The following AAR2 variants were observed in gnomAD, a reference collection of about 807,000 sequenced individuals.
AAR2 encodes the protein protein AAR2 homolog.
AAR2 carries 31 observed loss-of-function variants against 26.9 expected under a neutral mutation model. The observed-to-expected ratio is 1.15, with a 90% confidence interval of 0.86 to 1.55. The LOEUF is 1.55. AAR2 is among the 40% of genes most tolerant of loss of function. The pLI, the probability that AAR2 is intolerant of heterozygous loss-of-function variation, is 0.00. For synonymous variants in AAR2, 188 were observed against 196.1 expected, an observed-to-expected ratio of 0.96 and a Z score of 0.34; for missense variants, 430 against 491.3, an observed-to-expected ratio of 0.88 and a Z score of 1.18.
chr20:36,239,978 A>G lies in AAR2; in HGVS notation c.110A>G (p.Asn37Ser). The G allele has an allele frequency of 6.2e-7, 1 of 1,614,008 alleles. No homozygotes were observed. Among genetic ancestry groups the G allele is most frequent in the Non-Finnish European group, 8.5e-7 (1 of 1,179,992 alleles). The change falls in exon 2 of 4, where the codon AAC (asparagine) becomes AGC (serine). Residue 37 changes from asparagine to serine, a missense_variant. Physicochemically the swap from Asn to Ser is conservative, Grantham distance 46 (BLOSUM62 1). Transcript: ENST00000320849. The part of the protein sequence containing the change: ...PKGTEFGIDY[N>S]SWEVGPKFRG... ...GGAACAGAGTTTGGGATTGACTATAACTCCTGGGAGGTCGGGCCCAAGTTC... is the reference window on the plus strand; with the variant it reads ...GGAACAGAGTTTGGGATTGACTATAGCTCCTGGGAGGTCGGGCCCAAGTTC...
intron 1 of AAR2, among the ~76,000 whole-genome samples, chr20:36,239,571 A>G (rs1330222816): frequency 6.6e-6 from 1 of 152,152 alleles, no homozygotes; most frequent in South Asian, 2.1e-4. Context: ...GACCATGAGC[A>G]TGTCACTTTT....
At position 36,255,658 on chromosome 20, in the gene AAR2, C is replaced by T. The variant is rs370575646; in HGVS notation, c.1068C>T (p.Thr356=). The T allele has an allele frequency of 5.1e-5, 83 of 1,614,068 alleles. No homozygotes were observed. The highest frequency in any genetic ancestry group is 6.9e-5 in the Non-Finnish European group (81 of 1,180,042). Residue 356 remains threonine, a synonymous_variant, in exon 4 of 4, where the codon ACC becomes ACT. Coordinates refer to ENST00000320849, the MANE Select transcript of AAR2 (RefSeq NM_001271874.2). ...CTGAAAAGTTCCAAGCTCACCTGAC[C>T]AAGAAGTTCCGGTGGGACTTTGCTG... ...KKAEKFQAHL[T]KKFRWDFAAE...
At chr20:36,240,713 T>G in intron 2 of AAR2, 88 bp downstream of exon 2, 8 of 1,474,804 alleles carry the variant, frequency 5.4e-6, no homozygotes, top group Non-Finnish European at 7.2e-6. Flanking sequence ...CTTGTGTTAG[T>G]CCAGCAGCAA....
intron 2 of AAR2, among the ~76,000 whole-genome samples, chr20:36,243,940 C>G (rs912291966): frequency 2.1e-4 from 32 of 152,174 alleles, no homozygotes; most frequent in African/African-American, 7.5e-4. Flanking sequence ...TCACAGAGCC[C>G]TGTGGTTAAG....
rs1376995166 is a variant in AAR2 at position 36,256,088 on chromosome 20, A to G, written c.*343A>G. On this transcript the variant is annotated 3_prime_UTR_variant, in exon 4 of 4. Transcript: ENST00000320849. ...TGAGAAGGAATTGAACCAAAAGTCCAAGAAAGAACTGATTGCTTGTTCCAT... is the reference window on the plus strand; with the variant it reads ...TGAGAAGGAATTGAACCAAAAGTCCGAGAAAGAACTGATTGCTTGTTCCAT... 4.7e-6 allele frequency: 1 copy of G among 212,552 alleles called. No individual in the cohort carries two copies. Among genetic ancestry groups the G allele is most frequent in the African/African-American group, 2.3e-5 (1 of 43,828 alleles). 13.2% of individuals were successfully genotyped at this position (212,552 alleles called of 1,614,324 possible). A position where few individuals can be genotyped will look rare whatever the true frequency, so the allele number is the denominator to read the frequency against.
At chr20:36,253,277 A>G (rs1397176122) in intron 3 of AAR2, among the ~76,000 whole-genome samples, 2 of 152,124 alleles carry the variant, frequency 1.3e-5, no homozygotes, top group African/African-American at 2.4e-5. Context: ...AGCATTTTCC[A>G]TGGTGGCCTG....
In AAR2 at chr20:36,240,317, C is replaced by G. The variant is rs1471580657; in HGVS notation, c.449C>G (p.Pro150Arg). 1.2e-6 allele frequency: 2 copies of G among 1,614,202 alleles called. No individual in the cohort carries two copies. The highest frequency in any genetic ancestry group is 1.7e-6 in the Non-Finnish European group (2 of 1,180,038). ...GAAGCCACAGTGGAGAAGCTACAGCCCGAGAATCGACAGATCTGTGCCTTT... is the reference window on the plus strand; with the variant it reads ...GAAGCCACAGTGGAGAAGCTACAGCGCGAGAATCGACAGATCTGTGCCTTT... ...ISEATVEKLQ[P>R]ENRQICAFSD... Residue 150 changes from proline to arginine, a missense_variant, in exon 2 of 4, where the codon CCC (proline) becomes CGC (arginine). Pro to Arg is a moderately radical substitution (Grantham distance 103). Transcript: ENST00000320849.
intron 2 of AAR2, among the ~76,000 whole-genome samples, chr20:36,242,838 A>G (rs2064697002): frequency 6.6e-6 from 1 of 151,096 alleles, no homozygotes; most frequent in Non-Finnish European, 1.5e-5. Flanking sequence ...GGTCTGTTAC[A>G]GGAATAACTT....
chr20:36,243,781 A>G (rs2064706772), intron 2 of AAR2, among the ~76,000 whole-genome samples: 1 of 152,336 alleles, frequency 6.6e-6, no homozygotes, highest in East Asian at 1.9e-4. Flanking sequence ...CTTTGCTACA[A>G]CCCTCAAATA....
At chr20:36,240,772 C>T (rs1800758934) in intron 2 of AAR2, 147 bp downstream of exon 2, 8 of 1,146,484 alleles carry the variant, frequency 7.0e-6, no homozygotes, top group Non-Finnish European at 9.6e-6. Context: ...TTACCCTTAG[C>T]CCTGGAGATT....
intron 3 of AAR2, 42 bp downstream of exon 3, chr20:36,244,968 G>T (rs767696794): frequency 6.5e-7 from 1 of 1,544,232 alleles, no homozygotes; most frequent in East Asian, 2.2e-5. Context: ...ATGTGGGTCA[G>T]AATTGAGGCA....
chr20:36,254,640 C>A (rs1321159028), intron 3 of AAR2, among the ~76,000 whole-genome samples: 1 of 152,190 alleles, frequency 6.6e-6, no homozygotes, highest in African/African-American at 2.4e-5. Context: ...TGCTACTCAA[C>A]TGTACACTTA....
intron 1 of AAR2, among the ~76,000 whole-genome samples, chr20:36,237,323 G>C (rs1053015933): frequency 6.6e-6 from 1 of 152,170 alleles, no homozygotes; most frequent in African/African-American, 2.4e-5. Flanking sequence ...TTTTGAAAAG[G>C]TTACTGCTGT....
intron 3 of AAR2, among the ~76,000 whole-genome samples, chr20:36,248,014 A>G (rs1258747674): frequency 6.6e-6 from 1 of 152,260 alleles, no homozygotes; most frequent in Non-Finnish European, 1.5e-5. Flanking sequence ...TTCATCCTGC[A>G]TAATTGAAAC....
Position 36,256,120 on chromosome 20 carries a change from T to A in AAR2, c.*375T>A, listed in dbSNP as rs1449860570. The stretch of plus-strand genomic sequence containing the variant: ...AACTGATTGCTTGTTCCATAGGAGC[T>A]TAGGAAACAAGAAACCCTGGATTGC... On this transcript the variant is annotated 3_prime_UTR_variant, in exon 4 of 4. Transcript: ENST00000320849. The A allele has an allele frequency of 1.2e-5, 2 of 172,676 alleles. No individual in the cohort carries two copies. Among genetic ancestry groups the A allele is most frequent in the East Asian group, 1.5e-4 (1 of 6,534 alleles). The allele number at this position is 172,676 out of a possible 1,614,324, so 10.7% of individuals were successfully genotyped here. A position where few individuals can be genotyped will look rare whatever the true frequency, so the allele number is the denominator to read the frequency against.
chr20:36,249,835 A>C (rs2064767494), intron 3 of AAR2, among the ~76,000 whole-genome samples: 1 of 152,234 alleles, frequency 6.6e-6, no homozygotes, highest in African/African-American at 2.4e-5. Context: ...CCTGTATATG[A>C]TTAGAGCCCC....
chr20:36,248,992 C>T (rs1346084430), intron 3 of AAR2, among the ~76,000 whole-genome samples: 1 of 151,984 alleles, frequency 6.6e-6, no homozygotes, highest in East Asian at 1.9e-4. Context: ...ATGAATCAGC[C>T]CATAAAAGCC....
chr20:36,247,899 T>TA (rs113331497), intron 3 of AAR2, among the ~76,000 whole-genome samples: 19,501 of 151,244 alleles, frequency 0.13, 3,931 homozygotes, highest in African/African-American at 0.43. Context: ...AAAATTGTGG[T>TA]AAAAAAAAAC....
chr20:36,248,637 T>C (rs1166725574), intron 3 of AAR2, among the ~76,000 whole-genome samples: 2 of 152,188 alleles, frequency 1.3e-5, no homozygotes, highest in Non-Finnish European at 2.9e-5. Context: ...ATTTATGTCA[T>C]TTGGTGTTAT....
Sources: allele counts gnomAD v4.1 joint callset (sites outside exome capture counted in the v4.1 genomes callset), GRCh38; gene constraint gnomAD v4.1.1; transcripts MANE v1.5; gene names NCBI Gene and HGNC (gene_info 2026-07-23, HGNC 2026-07-21).